Variants in MDGA2 observed in about 807,000 individuals in gnomAD.
MDGA2 encodes MAM domain-containing glycosylphosphatidylinositol anchor protein 2.
MDGA2 carries 40 observed loss-of-function variants against 117.8 expected under a neutral mutation model. That is an observed-to-expected ratio of 0.34 (90% CI 0.26 to 0.44). The LOEUF (loss-of-function observed/expected upper bound fraction) is 0.44. MDGA2 is among the 20% of genes least tolerant of loss of function. The pLI is 1.00. For synonymous variants in MDGA2, 452 were observed against 439.0 expected (o/e 1.03, Z -0.37); for missense variants, 1,123 against 1,250.6 (o/e 0.90, Z 1.54).
At chr14:47,569,044 T>C (rs1394512501) in intron 1 of MDGA2, among the ~76,000 whole-genome samples, 1 of 152,166 alleles carries the variant, frequency 6.6e-6, no homozygotes, top group East Asian at 1.9e-4. Flanking sequence ...TAAAATCGGC[T>C]GATTACTGAA....
intron 1 of MDGA2, among the ~76,000 whole-genome samples, chr14:47,480,643 C>T (rs1277925934): frequency 3.3e-5 from 5 of 151,316 alleles, no homozygotes; most frequent in Non-Finnish European, 7.4e-5. Context: ...GATGAAGATG[C>T]ACTTCATTTT....
chr14:47,067,680 A>C (rs1236900072), intron 6 of MDGA2, among the ~76,000 whole-genome samples: 1 of 152,208 alleles, frequency 6.6e-6, no homozygotes, highest in Non-Finnish European at 1.5e-5. Flanking sequence ...GCAATATGCA[A>C]ACAGCATTAA....
chr14:47,018,142 T>C (rs1354799004), intron 8 of MDGA2, among the ~76,000 whole-genome samples: 2 of 120,446 alleles, frequency 1.7e-5, no homozygotes, highest in Admixed American at 8.4e-5. Context: ...CTGGGGTAAT[T>C]GACTTTTTTT....
chr14:46,918,322 GT>G (rs1232530271), intron 10 of MDGA2, among the ~76,000 whole-genome samples: 1 of 152,098 alleles, frequency 6.6e-6, no homozygotes, highest in Non-Finnish European at 1.5e-5. Context: ...GTAGTAAGGA[GT>G]TTTAAAAAGA....
chr14:47,049,117 GC>G (rs1889363455), intron 7 of MDGA2, among the ~76,000 whole-genome samples: 2 of 152,000 alleles, frequency 1.3e-5, no homozygotes, highest in East Asian at 3.9e-4. Flanking sequence ...TATTTAGAAA[GC>G]CATGGTAAAA....
intron 1 of MDGA2, among the ~76,000 whole-genome samples, chr14:47,542,789 T>C (rs1895379047): frequency 6.6e-6 from 1 of 152,264 alleles, no homozygotes; most frequent in Non-Finnish European, 1.5e-5. Context: ...CTACTTTATA[T>C]ACATTTTAGT....
chr14:47,567,722 A>G (rs1276760948), intron 1 of MDGA2, among the ~76,000 whole-genome samples: 1 of 152,214 alleles, frequency 6.6e-6, no homozygotes, highest in Non-Finnish European at 1.5e-5. Flanking sequence ...TTATTGGGCC[A>G]GGGAACCTGA....
At chr14:46,986,090 A>C (rs1886848887) in intron 8 of MDGA2, among the ~76,000 whole-genome samples, 2 of 152,056 alleles carry the variant, frequency 1.3e-5, no homozygotes, top group South Asian at 4.1e-4. Flanking sequence ...ATCTTGCTAA[A>C]ATATCAAGTT....
chr14:47,528,162 T>A (rs1895011565), intron 1 of MDGA2, among the ~76,000 whole-genome samples: 1 of 152,202 alleles, frequency 6.6e-6, no homozygotes. Context: ...TGAGGCCAGG[T>A]CAGGCCTGTT....
intron 1 of MDGA2, among the ~76,000 whole-genome samples, chr14:47,493,177 A>C (rs1171957141): frequency 6.6e-6 from 1 of 151,882 alleles, no homozygotes; most frequent in East Asian, 1.9e-4. Flanking sequence ...GCAGATATAT[A>C]GTACTTAAGC....
At chr14:47,031,244 A>ACACACACC (rs1888656587) in intron 8 of MDGA2, among the ~76,000 whole-genome samples, 1 of 144,768 alleles carries the variant, frequency 6.9e-6, no homozygotes, top group Admixed American at 7.0e-5. Flanking sequence ...ACACACACAC[A>ACACACACC]CTATTTCCTT....
At chr14:47,549,343 A>ATCTCTCTCTCTCTCTCTCTCTCTCTC (rs3039661) in intron 1 of MDGA2, among the ~76,000 whole-genome samples, 5 of 140,112 alleles carry the variant, frequency 3.6e-5, no homozygotes, top group South Asian at 2.3e-4. Flanking sequence ...CACCAGTATT[A>ATCTCTCTCTCTCTCTCTCTCTCTCTC]TCTCTCTCTC....
intron 2 of MDGA2, among the ~76,000 whole-genome samples, chr14:47,265,450 C>A (rs1201540993): frequency 1.3e-5 from 2 of 151,910 alleles, no homozygotes; most frequent in South Asian, 2.1e-4. Context: ...TAGCAAAATT[C>A]ATATTTTAAA....
chr14:46,996,950 G>T, intron 8 of MDGA2: 1 of 405,802 alleles, frequency 2.5e-6, no homozygotes, highest in South Asian at 2.2e-5. Flanking sequence ...GGTGAAGTAG[G>T]GAACTTTGGT....
Position 47,238,606 on chromosome 14 carries a change from T to C in MDGA2, c.421-20411A>G, listed in dbSNP as rs188201430. Among the ~76,000 whole-genome samples the C allele has an allele frequency of 1.6e-3, 239 of 151,822 alleles. 2 individuals are homozygous for C. Among genetic ancestry groups the C allele is most frequent in the Admixed American group, 8.9e-3 (135 of 15,246 alleles). On this transcript the variant is annotated intron_variant, in intron 2 of 16. Coordinates refer to ENST00000399232, the MANE Select transcript of MDGA2 (RefSeq NM_001113498.3). ...TCAACATTATTAATTAAAATGTTTGTGTTATAAATTACCCTATGGACCGCT... is the reference window on the plus strand; with the variant it reads ...TCAACATTATTAATTAAAATGTTTGCGTTATAAATTACCCTATGGACCGCT...
intron 3 of MDGA2, among the ~76,000 whole-genome samples, chr14:47,193,867 A>G (rs1885197568): frequency 6.6e-6 from 1 of 152,200 alleles, no homozygotes; most frequent in African/African-American, 2.4e-5. Flanking sequence ...ACAATAAAGG[A>G]CAGTAGGAAA....
intron 12 of MDGA2, 22 bp from the exon 13 acceptor site, chr14:46,874,222 A>G: frequency 8.4e-7 from 1 of 1,184,614 alleles, no homozygotes; most frequent in Non-Finnish European, 1.1e-6. Flanking sequence ...TTTTAATTAA[A>G]TTAATATTAA....
chr14:47,050,077 C>G (rs1889402372), intron 7 of MDGA2, among the ~76,000 whole-genome samples: 1 of 151,982 alleles, frequency 6.6e-6, no homozygotes, highest in African/African-American at 2.4e-5. Context: ...ATACATTTCT[C>G]AGAGTGTATC....
intron 2 of MDGA2, among the ~76,000 whole-genome samples, chr14:47,298,690 T>C (rs572204665): frequency 2.0e-5 from 3 of 148,374 alleles, no homozygotes; most frequent in African/African-American, 4.9e-5. Context: ...TTTCTTTTTT[T>C]TTTTTTTTTT....
Sources: gnomAD v4.1 joint callset for allele counts (sites outside exome capture counted in the v4.1 genomes callset) on GRCh38, gnomAD v4.1.1 for gene constraint, MANE v1.5 for transcripts, NCBI Gene and HGNC (gene_info 2026-07-23, HGNC 2026-07-21) for gene names.